The following KMT2E variants were observed in gnomAD, a reference collection of about 807,000 sequenced individuals.
KMT2E encodes lysine methyltransferase 2E (inactive), also known as histone reader KMT2E.
In KMT2E, 30 loss-of-function variants were observed where a neutral mutation model predicts 184.6. That is an observed-to-expected ratio of 0.16 (90% CI 0.12 to 0.22). The LOEUF is 0.22. KMT2E is among the 10% of genes least tolerant of loss of function. The probability of loss-of-function intolerance (pLI) is 1.00; values close to 1 mark genes in which losing one functional copy is unlikely to be tolerated. For missense variants in KMT2E, 2,023 were observed against 2,237.4 expected (o/e 0.90, Z 1.93); for synonymous variants, 815 against 776.5 (o/e 1.05, Z -0.82).
intron 3 of KMT2E, among the ~76,000 whole-genome samples, chr7:105,045,848 T>A (rs1395079428): frequency 6.6e-6 from 1 of 152,224 alleles, no homozygotes; most frequent in Admixed American, 6.5e-5. Context: ...ATTCCACATT[T>A]AACATTTTGA....
chr7:105,071,097 TAG>T (rs1797266186), intron 6 of KMT2E, among the ~76,000 whole-genome samples: 1 of 152,184 alleles, frequency 6.6e-6, no homozygotes. Context: ...TAGCATATTA[TAG>T]AGTCTTCACA....
rs183629481 is a variant in KMT2E, at chr7:105,110,996, T to A, written c.4068+128T>A. 352 of 657,076 alleles carry A rather than the reference T, an allele frequency of 5.4e-4. No homozygotes were observed. In the East Asian group the frequency reaches 5.8e-3, roughly 11 times the overall value. 40.7% of individuals were successfully genotyped at this position (657,076 alleles called of 1,614,324 possible). On this transcript the variant is annotated intron_variant, in intron 26 of 26. Coordinates refer to ENST00000311117, the MANE Select transcript of KMT2E (RefSeq NM_182931.3). ...ACTTGTGACTTCTGGACACTTTTCCTGTCAGAAATACTCAATTGTGTTTAC... is the reference window on the plus strand; with the variant it reads ...ACTTGTGACTTCTGGACACTTTTCCAGTCAGAAATACTCAATTGTGTTTAC...
At chr7:105,096,943 T>A (rs1798434623) in intron 15 of KMT2E, among the ~76,000 whole-genome samples, 1 of 152,252 alleles carries the variant, frequency 6.6e-6, no homozygotes, top group Admixed American at 6.5e-5. Flanking sequence ...TATACTATAT[T>A]CTTCCTTTTC....
rs142235846 is a variant in KMT2E at position 105,100,290 on chromosome 7, C to T, written c.1723-1135C>T. Among the ~76,000 whole-genome samples the T allele has an allele frequency of 9.2e-5, 14 of 152,272 alleles. No homozygotes were observed. The East Asian group carries it at 2.5e-3, about 27-fold the overall frequency. On this transcript the variant is annotated intron_variant, in intron 15 of 26. Transcript: ENST00000311117. Reference sequence around the variant, plus strand: ...AACAACAACAACAAAAATACAGGAACAGGTAAACAGTAGTTTCCAAAGTGT... The same window carrying T: ...AACAACAACAACAAAAATACAGGAATAGGTAAACAGTAGTTTCCAAAGTGT...
At chr7:105,089,512 A>C (rs1562920207) in intron 13 of KMT2E, among the ~76,000 whole-genome samples, 1 of 152,206 alleles carries the variant, frequency 6.6e-6, no homozygotes, top group Non-Finnish European at 1.5e-5. Flanking sequence ...CACTGACATG[A>C]TGCCACAAGT....
chr7:105,015,240 TTTGACC>T (rs901269640), intron 1 of KMT2E, among the ~76,000 whole-genome samples: 26 of 152,192 alleles, frequency 1.7e-4, no homozygotes, highest in Non-Finnish European at 3.7e-4. Flanking sequence ...AAAAGCTTAT[TTTGACC>T]AAGGGATTGG....
intron 1 of KMT2E, among the ~76,000 whole-genome samples, chr7:105,028,234 TCTC>T (rs1407014436): frequency 6.6e-6 from 1 of 151,578 alleles, no homozygotes. Flanking sequence ...AGTGGTGTGA[TCTC>T]AGCTCACTGC....
intron 13 of KMT2E, among the ~76,000 whole-genome samples, chr7:105,083,780 C>T (rs1797851317): frequency 6.6e-6 from 1 of 152,176 alleles, no homozygotes; most frequent in Non-Finnish European, 1.5e-5. Flanking sequence ...GATACTCTTT[C>T]TCCTCAGTGA....
chr7:105,032,714 A>G (rs547027713), intron 1 of KMT2E, among the ~76,000 whole-genome samples: 17 of 152,278 alleles, frequency 1.1e-4, no homozygotes, highest in Non-Finnish European at 2.1e-4. Flanking sequence ...TTTTTTGCCC[A>G]GGCTGGCCTC....
At position 105,110,460 on chromosome 7, in the gene KMT2E, C is replaced by T. The variant is rs1287503702; in HGVS notation, c.3845-17C>T. The T allele has an allele frequency of 4.3e-6, 7 of 1,614,144 alleles. No homozygotes were observed. The highest frequency in any genetic ancestry group is 5.9e-6 in the Non-Finnish European group (7 of 1,180,008). On this transcript the variant is annotated splice_polypyrimidine_tract_variant and intron_variant, in intron 24 of 26. Coordinates refer to ENST00000311117, the MANE Select transcript of KMT2E (RefSeq NM_182931.3). ...AGCTCTAATGTTCTCTTTGGGTCTG[C>T]TCTGCTTCATCTCTAGGGGGAGAAT...
intron 1 of KMT2E, among the ~76,000 whole-genome samples, chr7:105,033,335 G>C (rs1013432335): frequency 5.3e-5 from 8 of 152,258 alleles, no homozygotes; most frequent in Admixed American, 4.6e-4. Flanking sequence ...TTAATTTTGT[G>C]ATAATTATAG....
rs540447502 is a variant in KMT2E, at chr7:105,114,218, G to A, written c.*885G>A. On this transcript the variant is annotated 3_prime_UTR_variant, in exon 27 of 27. Transcript: ENST00000311117. The stretch of plus-strand genomic sequence containing the variant: ...TACCTCAGCAACAGGAGGCAGCAAG[G>A]GGCTGTTCCTGTGGTGGTTTCTGTT... 1 of 152,306 alleles carries A rather than the reference G, an allele frequency of 6.6e-6. No individual in the cohort carries two copies. The highest frequency in any genetic ancestry group is 1.5e-5 in the Non-Finnish European group (1 of 68,018). 9.4% of individuals were successfully genotyped at this position (152,306 alleles called of 1,614,324 possible).
intron 3 of KMT2E, among the ~76,000 whole-genome samples, chr7:105,049,173 G>C (rs1360365972): frequency 6.6e-6 from 1 of 152,128 alleles, no homozygotes; most frequent in African/African-American, 2.4e-5. Context: ...GGCCAGGCGT[G>C]GTGGCTCACA....
chr7:105,020,732 A>G (rs1187093508), intron 1 of KMT2E, among the ~76,000 whole-genome samples: 7 of 152,256 alleles, frequency 4.6e-5, no homozygotes, highest in Non-Finnish European at 1.0e-4. Flanking sequence ...TTACACTTAT[A>G]AATTATTTTA....
At chr7:105,071,582 G>GTATATATATATATATATATATATA (rs1554392567) in intron 6 of KMT2E, among the ~76,000 whole-genome samples, 3 of 34,942 alleles carry the variant, frequency 8.6e-5, no homozygotes, top group Non-Finnish European at 1.6e-4. Flanking sequence ...ATGTGTGTGT[G>GTATATATATATATATATATATATA]TATATATATA....
In KMT2E at chr7:105,109,167, A is replaced by G. The variant is rs1323798580; in HGVS notation, c.3694A>G (p.Ser1232Gly). The change falls in exon 23 of 27, where the codon AGC (serine) becomes GGC (glycine). Residue 1232 changes from serine to glycine, a missense_variant. Physicochemically the swap from Ser to Gly is moderately conservative, Grantham distance 56. Transcript: ENST00000311117. ...TVYNATSEETSNNCPVKDATA... is the reference protein window; with the variant it reads ...TVYNATSEETGNNCPVKDATA... ...TTATAATGCCACTTCTGAAGAAACT[A>G]GCAATAACTGCCCTGTTAAGGATGC... is the stretch of plus-strand genomic sequence containing the variant. The G allele has an allele frequency of 1.2e-6, 2 of 1,614,044 alleles. No individual in the cohort carries two copies. Among genetic ancestry groups the G allele is most frequent in the East Asian group, 2.2e-5 (1 of 44,868 alleles).
intron 8 of KMT2E, 78 bp from the exon 9 acceptor site, chr7:105,075,965 C>A: frequency 8.6e-7 from 1 of 1,165,682 alleles, no homozygotes; most frequent in South Asian, 1.3e-5. Context: ...TTAAAAGTTT[C>A]AATGAACCAA....
chr7:105,100,948 G>A (rs1213902304), intron 15 of KMT2E, among the ~76,000 whole-genome samples: 3 of 152,090 alleles, frequency 2.0e-5, no homozygotes, highest in Non-Finnish European at 4.4e-5. Flanking sequence ...TACCAAATGA[G>A]AATCATAATT....
At chr7:105,059,979 T>G (rs974321731) in intron 3 of KMT2E, among the ~76,000 whole-genome samples, 6 of 16,288 alleles carry the variant, frequency 3.7e-4, no homozygotes, top group African/African-American at 2.5e-3. Flanking sequence ...CTTGTTGTTG[T>G]TTTTTTTTTT....
Sources: gnomAD v4.1 joint callset for allele counts (sites outside exome capture counted in the v4.1 genomes callset) on GRCh38, gnomAD v4.1.1 for gene constraint, MANE v1.5 for transcripts, NCBI Gene and HGNC (gene_info 2026-07-23, HGNC 2026-07-21) for gene names.